ALG9: variants seen among roughly 807,000 people sequenced by gnomAD.
The protein encoded by ALG9 is alpha-1,2-mannosyltransferase ALG9.
ALG9 carries 55 observed loss-of-function variants against 81.8 expected under a neutral mutation model. That is an observed-to-expected ratio of 0.67 (90% CI 0.54 to 0.84). The LOEUF is 0.84. ALG9 is among the 40% of genes least tolerant of loss of function. The pLI, the probability that ALG9 is intolerant of heterozygous loss-of-function variation, is 0.00. For synonymous variants in ALG9, 278 were observed against 274.3 expected (o/e 1.01, Z -0.13); for missense variants, 629 against 745.0 (o/e 0.84, Z 1.81).
chr11:111,844,412 T>C (rs782134889), intron 9 of ALG9, among the ~76,000 whole-genome samples, 189 bp downstream of exon 9: 14 of 152,252 alleles, frequency 9.2e-5, no homozygotes, highest in Non-Finnish European at 1.9e-4. Flanking sequence ...CAATTTAATT[T>C]GCCACAATTC....
chr11:111,861,859 T>G (rs1412291811), intron 4 of ALG9, among the ~76,000 whole-genome samples: 7 of 152,186 alleles, frequency 4.6e-5, no homozygotes, highest in African/African-American at 1.7e-4. Flanking sequence ...AATATACAAT[T>G]TTAGGATGAA....
chr11:111,836,096 T>C (rs1955201347), intron 13 of ALG9, 69 bp downstream of exon 13: 1 of 1,602,504 alleles, frequency 6.2e-7, no homozygotes, highest in Non-Finnish European at 8.5e-7. Context: ...AATGCTCTAA[T>C]ATACACACCA....
At chr11:111,871,002 G>A (rs1389914661) in intron 1 of ALG9, 12 of 1,038,426 alleles carry the variant, frequency 1.2e-5, no homozygotes, top group Non-Finnish European at 1.2e-5. Flanking sequence ...TAAAGGGTCG[G>A]GACTTGAGGG....
chr11:111,870,628 A>T lies in ALG9; in HGVS notation c.132-258T>A, dbSNP rs1204043281. ...GGACTTAAACTCCTAGGCTCAAGTA[A>T]TCCTCCTGCCTCAGCCTTCTGAAGA... On this transcript the variant is annotated intron_variant, in intron 1 of 14. Transcript: ENST00000616540. 5.4e-6 allele frequency: 4 copies of T among 742,892 alleles called. No homozygotes were observed. The African/African-American group carries it at 7.5e-5, about 14-fold the overall frequency. 46.0% of individuals were successfully genotyped at this position (742,892 alleles called of 1,614,324 possible).
chr11:111,858,025 T>C (rs1958983685), intron 5 of ALG9: 1 of 374,252 alleles, frequency 2.7e-6, no homozygotes, highest in East Asian at 6.7e-5. Flanking sequence ...TGCAACCTGA[T>C]TCCCTGGTTC....
the ALG9 span, chr11:111,768,797 G>A: frequency 6.9e-6 from 1 of 145,422 alleles, no homozygotes; most frequent in Non-Finnish European, 1.5e-5. Flanking sequence ...GAGTAGCTAG[G>A]ACTATAGGCA....
intron 13 of ALG9, among the ~76,000 whole-genome samples, chr11:111,813,441 A>C (rs527827515): frequency 6.6e-6 from 1 of 152,198 alleles, no homozygotes; most frequent in Non-Finnish European, 1.5e-5. Flanking sequence ...ATCTCTACAA[A>C]AAATAAAAAA....
chr11:111,812,591 G>A (rs182304893), intron 13 of ALG9, among the ~76,000 whole-genome samples: 120 of 152,116 alleles, frequency 7.9e-4, no homozygotes, highest in African/African-American at 2.6e-3. Context: ...ACAACAACAA[G>A]GTGGGGGCTT....
chr11:111,826,066 C>CAATAATAATAATAATAATAATAAT lies in ALG9; in HGVS notation c.1602+10075_1602+10098dup, dbSNP rs4026118. On this transcript the variant is annotated intron_variant, in intron 13 of 14. Transcript: ENST00000616540. ...GGGCAACAAGAGCAAAACTCCGTCT[C>CAATAATAATAATAATAATAATAAT]AATAATAATAATAATAATAATAATA... 1.5e-3 allele frequency among the ~76,000 whole-genome samples: 205 copies of CAATAATAATAATAATAATAATAAT among 132,676 alleles called. 1 individual carries two copies. The highest frequency in any genetic ancestry group is 4.3e-3 in the African/African-American group (148 of 34,798). 87.0% of individuals were successfully genotyped at this position (132,676 alleles called of 152,430 possible). A position where few individuals can be genotyped will look rare whatever the true frequency, so the allele number is the denominator to read the frequency against.
chr11:111,811,265 G>A (rs1950665351), intron 13 of ALG9, among the ~76,000 whole-genome samples: 1 of 152,098 alleles, frequency 6.6e-6, no homozygotes, highest in South Asian at 2.1e-4. Context: ...CTTATTGGCT[G>A]GGCACGGTGG....
intron 2 of ALG9, among the ~76,000 whole-genome samples, chr11:111,870,000 CG>C (rs1963767295): frequency 1.3e-5 from 2 of 151,954 alleles, no homozygotes; most frequent in Admixed American, 1.3e-4. Context: ...TTAGTAGAGT[CG>C]GGGTTTCACC....
intron 8 of ALG9, among the ~76,000 whole-genome samples, chr11:111,850,706 C>CAAAAAAAAAAAAAAAAAAAAAAAAAAA (rs782114013): frequency 2.4e-4 from 16 of 66,654 alleles, no homozygotes; most frequent in African/African-American, 4.6e-4. Context: ...GATACTGTCT[C>CAAAAAAAAAAAAAAAAAAAAAAAAAAA]AAAAAAAAAA....
chr11:111,805,735 T>C (rs538939654), intron 14 of ALG9, among the ~76,000 whole-genome samples: 12 of 152,326 alleles, frequency 7.9e-5, no homozygotes, highest in East Asian at 1.9e-4. Context: ...GGGAGACACA[T>C]GACATTATAT....
chr11:111,799,430 C>T (rs1483366190), intron 14 of ALG9, among the ~76,000 whole-genome samples: 4 of 150,886 alleles, frequency 2.7e-5, no homozygotes, highest in Non-Finnish European at 5.9e-5. Flanking sequence ...CATGAGCCAC[C>T]GTGCCCGGCT....
intron 4 of ALG9, 123 bp downstream of exon 4, chr11:111,865,058 T>G: frequency 7.0e-6 from 5 of 715,000 alleles, no homozygotes; most frequent in Non-Finnish European, 1.1e-5. Flanking sequence ...ATTACAGGTG[T>G]GAGCCACCGC....
At chr11:111,809,160 C>G (rs891744998) in intron 14 of ALG9, among the ~76,000 whole-genome samples, 11 of 152,124 alleles carry the variant, frequency 7.2e-5, no homozygotes, top group African/African-American at 2.4e-4. Flanking sequence ...TTGGGCGAAA[C>G]CAGAATATAC....
intron 14 of ALG9, among the ~76,000 whole-genome samples, chr11:111,795,553 TATG>T (rs782018235): frequency 3.9e-5 from 6 of 152,248 alleles, no homozygotes; most frequent in African/African-American, 9.6e-5. Context: ...ATGTGACCAG[TATG>T]ATATTTTACT....
Position 111,786,289 on chromosome 11 carries a change from G to T in ALG9, c.*108C>A. ...AGAGCACCCAGATTCCAGTATTCAT[G>T]TCAGAAGACCTTTATTACAAATGTT... On this transcript the variant is annotated 3_prime_UTR_variant, in exon 15 of 15. Coordinates refer to ENST00000616540, the MANE Select transcript of ALG9 (RefSeq NM_024740.2). The T allele has an allele frequency of 1.2e-5, 19 of 1,543,044 alleles. No homozygotes were observed. Among genetic ancestry groups the T allele is most frequent in the Non-Finnish European group, 1.6e-5 (18 of 1,118,958 alleles).
At chr11:111,803,004 G>A (rs1949362398) in intron 14 of ALG9, among the ~76,000 whole-genome samples, 1 of 152,146 alleles carries the variant, frequency 6.6e-6, no homozygotes, top group African/African-American at 2.4e-5. Flanking sequence ...TCCCCAAAAT[G>A]CAATACTTCA....
Sources: allele counts gnomAD v4.1 joint callset (sites outside exome capture counted in the v4.1 genomes callset), GRCh38; gene constraint gnomAD v4.1.1; transcripts MANE v1.5; gene names NCBI Gene and HGNC (gene_info 2026-07-23, HGNC 2026-07-21).